Variants in PCDHA1 observed in about 807,000 individuals in gnomAD.
PCDHA1 encodes the protein protocadherin alpha-1.
A neutral mutation model predicts 61.3 loss-of-function variants in PCDHA1; 42 were observed. The ratio of observed to expected loss-of-function variants is 0.69; its 90% CI spans 0.54 to 0.89. The LOEUF is 0.89. Among genes scored for constraint, PCDHA1 ranks in the 40% least tolerant of loss-of-function variants. The pLI is 0.00. For synonymous variants in PCDHA1, 610 were observed against 553.8 expected, an observed-to-expected ratio of 1.10 and a Z score of -1.43; for missense variants, 1,256 against 1,235.3, an observed-to-expected ratio of 1.02 and a Z score of -0.25.
chr5:140,796,004 C>T, intron 1 of PCDHA1: 3 of 1,614,148 alleles, frequency 1.9e-6, no homozygotes, highest in Non-Finnish European at 2.5e-6. Flanking sequence ...AATGATAACA[C>T]ACCAGAAGTC....
chr5:140,826,128 G>C (rs181129718), intron 1 of PCDHA1, among the ~76,000 whole-genome samples: 1 of 152,208 alleles, frequency 6.6e-6, no homozygotes, highest in East Asian at 1.9e-4. Flanking sequence ...AATATCCTGA[G>C]CTACTTTGAG....
At chr5:140,950,872 T>C (rs782492363) in intron 1 of PCDHA1, among the ~76,000 whole-genome samples, 14 of 152,210 alleles carry the variant, frequency 9.2e-5, no homozygotes, top group Middle Eastern at 3.4e-3. Context: ...ATATTCTATA[T>C]TGTTCAATAG....
At chr5:140,832,611 T>C (rs1288145538) in intron 1 of PCDHA1, among the ~76,000 whole-genome samples, 1 of 152,132 alleles carries the variant, frequency 6.6e-6, no homozygotes, top group Non-Finnish European at 1.5e-5. Context: ...TGCTAGTGAG[T>C]AAATGTTTTT....
In PCDHA1 at chr5:140,868,951, A is replaced by G; in HGVS notation, c.2394+80267A>G. On this transcript the variant is annotated intron_variant, in intron 1 of 3. Transcript: ENST00000504120. ...TAAAGGTTGGTCTGAACAGTGAGGC[A>G]CTCCCATACAAAGGAACTCCATCAT... 4.5e-6 allele frequency: 6 copies of G among 1,321,586 alleles called. No individual in the cohort carries two copies. The South Asian group carries it at 7.6e-5, about 17-fold the overall frequency. The allele number at this position is 1,321,586 out of a possible 1,614,324, so 81.9% of individuals were successfully genotyped here. A position where few individuals can be genotyped will look rare whatever the true frequency, so the allele number is the denominator to read the frequency against.
Position 140,802,063 on chromosome 5 carries a change from T to C in PCDHA1, c.2394+13379T>C, listed in dbSNP as rs3733709. The C allele has an allele frequency of 0.12, 193,746 of 1,614,098 alleles. 12,557 individuals are homozygous for C. Among genetic ancestry groups the C allele is most frequent in the Non-Finnish European group, 0.13 (149,901 of 1,180,010 alleles). On this transcript the variant is annotated intron_variant, in intron 1 of 3. Transcript: ENST00000504120. ...TTCAATACGGACATGTCAGCAGATA[T>C]TCTGTCAAAATTCCATTTAGATCCA...
In PCDHA1 at chr5:140,830,099, G is replaced by A. The variant is rs2150181082; in HGVS notation, c.2394+41415G>A. On this transcript the variant is annotated intron_variant, in intron 1 of 3. Transcript: ENST00000504120. ...GACGGCCACGGTTCTGGTGTCGCTG[G>A]TGGAGAGTGGCCAGGCTCCAAAGGC... 6 of 1,613,520 alleles carry A rather than the reference G, an allele frequency of 3.7e-6. No homozygotes were observed. In the African/African-American group the frequency reaches 4.0e-5, roughly 11 times the overall value.
chr5:140,818,904 A>G (rs1411699157), intron 1 of PCDHA1, among the ~76,000 whole-genome samples: 1 of 152,222 alleles, frequency 6.6e-6, no homozygotes, highest in Non-Finnish European at 1.5e-5. Flanking sequence ...ATTTAGCTTC[A>G]TTGTCCCTTT....
At chr5:140,867,981 A>G (rs1451119630) in intron 1 of PCDHA1, 5 of 152,162 alleles carry the variant, frequency 3.3e-5, no homozygotes, top group African/African-American at 4.8e-5. Context: ...CAAGAAACAA[A>G]CTATTTTCAT....
Position 140,927,005 on chromosome 5 carries a change from A to G in PCDHA1, c.2395-51944A>G, listed in dbSNP as rs1554203909. On this transcript the variant is annotated intron_variant, in intron 1 of 3. Coordinates refer to ENST00000504120, the MANE Select transcript of PCDHA1 (RefSeq NM_018900.4). ...ACGGAGCGGGGCGTAGCCGTAGGCA[A>G]TCTCTCCGCGGACTTGAGGCTGCCA... 6 of 1,612,394 alleles carry G rather than the reference A, an allele frequency of 3.7e-6. No homozygotes were observed. The South Asian group carries it at 4.4e-5, about 12-fold the overall frequency.
At position 140,858,524 on chromosome 5, in the gene PCDHA1, T is replaced by C. The variant is rs1562538927; in HGVS notation, c.2394+69840T>C. 9 of 1,408,436 alleles carry C rather than the reference T, an allele frequency of 6.4e-6. 1 individual carries two copies. Among genetic ancestry groups the C allele is most frequent in the Admixed American group, 2.0e-5 (1 of 49,940 alleles). The allele number at this position is 1,408,436 out of a possible 1,614,324, so 87.2% of individuals were successfully genotyped here. A position where few individuals can be genotyped will look rare whatever the true frequency, so the allele number is the denominator to read the frequency against. On this transcript the variant is annotated intron_variant, in intron 1 of 3. Coordinates refer to ENST00000504120, the MANE Select transcript of PCDHA1 (RefSeq NM_018900.4). ...TTTCTCAAATATGTATCAGAATATT[T>C]CATTTTTGTCTACATTCCATTTATG...
chr5:140,965,401 A>C (rs546046699), intron 1 of PCDHA1, among the ~76,000 whole-genome samples: 1 of 152,166 alleles, frequency 6.6e-6, no homozygotes, highest in Non-Finnish European at 1.5e-5. Flanking sequence ...AAGTCTAAGG[A>C]GTCTTATATT....
At chr5:140,989,105 T>A (rs550881823) in intron 3 of PCDHA1, 1 of 152,350 alleles carries the variant, frequency 6.6e-6, no homozygotes, top group Non-Finnish European at 1.5e-5. Context: ...GAAACAACTT[T>A]TGAATATATC....
chr5:140,980,313 C>G (rs904282752), intron 2 of PCDHA1, among the ~76,000 whole-genome samples: 7 of 152,166 alleles, frequency 4.6e-5, no homozygotes, highest in Admixed American at 3.9e-4. Context: ...GCCTTAAAAA[C>G]TACATTTGAA....
At position 140,787,665 on chromosome 5, in the gene PCDHA1, G is replaced by A. The variant is rs782726332; in HGVS notation, c.1375G>A (p.Glu459Lys). Reference protein sequence around the residue: ...NDNAPAFAQPEYTVFVKENNP... With the variant: ...NDNAPAFAQPKYTVFVKENNP... ...CAACGCGCCTGCGTTCGCGCAGCCC[G>A]AGTACACAGTATTCGTGAAGGAGAA... Residue 459 changes from glutamate (E) to lysine (K), a missense_variant, in exon 1 of 4, where the codon GAG becomes AAG. Coordinates refer to ENST00000504120, the MANE Select transcript of PCDHA1 (RefSeq NM_018900.4). 5.0e-5 allele frequency: 80 copies of A among 1,613,800 alleles called. No individual in the cohort carries two copies. Among genetic ancestry groups the A allele is most frequent in the Non-Finnish European group, 6.4e-5 (76 of 1,179,944 alleles).
Position 140,842,478 on chromosome 5 carries a change from C to A in PCDHA1, c.2394+53794C>A, listed in dbSNP as rs2150337029. 3.7e-4 allele frequency: 597 copies of A among 1,613,926 alleles called. 9 individuals carry two copies. The African/African-American group carries it at 6.5e-3, about 18-fold the overall frequency. On this transcript the variant is annotated intron_variant, in intron 1 of 3. Transcript: ENST00000504120. ...GATTCAGGTGCCAACGGGCAGGTGA[C>A]CTGCTCCCTGATGCCCCATGTCCCC...
At chr5:140,992,020 TGTGTG>T (rs1460938904) in intron 3 of PCDHA1, among the ~76,000 whole-genome samples, 1 of 51,270 alleles carries the variant, frequency 2.0e-5, no homozygotes, top group African/African-American at 5.9e-5. Flanking sequence ...GGTGGCTCTG[TGTGTG>T]TGTGTGTGTG....
intron 1 of PCDHA1, among the ~76,000 whole-genome samples, chr5:140,886,847 A>AT (rs2061191950): frequency 6.6e-6 from 1 of 151,038 alleles, no homozygotes; most frequent in Non-Finnish European, 1.5e-5. Flanking sequence ...AAAAAAAAAA[A>AT]GAAAGGTCTT....
chr5:140,858,158 G>T lies in PCDHA1; in HGVS notation c.2394+69474G>T, dbSNP rs781899082. The T allele has an allele frequency of 5.6e-6, 9 of 1,597,732 alleles. 3 individuals carry two copies. Among genetic ancestry groups the T allele is most frequent in the Non-Finnish European group, 7.7e-6 (9 of 1,167,532 alleles). ...CGTGTACCTGATCATCGCCATCTGC[G>T]CGGTGTCCAGCTTGCTGGTGCTCAC... On this transcript the variant is annotated intron_variant, in intron 1 of 3. Coordinates refer to ENST00000504120, the MANE Select transcript of PCDHA1 (RefSeq NM_018900.4).
chr5:140,839,950 C>T (rs1554137654), intron 1 of PCDHA1, among the ~76,000 whole-genome samples: 2 of 152,022 alleles, frequency 1.3e-5, no homozygotes, highest in Non-Finnish European at 2.9e-5. Context: ...AAGGAGACAA[C>T]ATATTTTCTG....
Sources: allele counts gnomAD v4.1 joint callset (sites outside exome capture counted in the v4.1 genomes callset), GRCh38; gene constraint gnomAD v4.1.1; transcripts MANE v1.5; gene names NCBI Gene and HGNC (gene_info 2026-07-23, HGNC 2026-07-21).